Variants in USP42 observed in about 807,000 individuals in gnomAD.
The protein encoded by USP42 is ubiquitin carboxyl-terminal hydrolase 42.
In USP42, 23 loss-of-function variants were observed where a neutral mutation model predicts 113.0. That is an observed-to-expected ratio of 0.20 (90% CI 0.15 to 0.29). USP42 has a LOEUF of 0.29. Ranked by LOEUF, USP42 falls within the 10% of genes least tolerant of loss-of-function variation. The probability of loss-of-function intolerance (pLI) is 1.00; values close to 1 mark genes in which losing one functional copy is unlikely to be tolerated. For synonymous variants in USP42, 933 were observed against 699.0 expected, an observed-to-expected ratio of 1.33 and a Z score of -5.28; for missense variants, 2,174 against 1,779.8, an observed-to-expected ratio of 1.22 and a Z score of -3.99.
At position 6,141,000 on chromosome 7, in the gene USP42, A is replaced by G. The variant is rs750654234; in HGVS notation, c.795+16A>G. On this transcript the variant is annotated intron_variant, in intron 7 of 17. Transcript: ENST00000306177. ...GGAGATAAAGGTAAATTTCATAATT[A>G]TGGGAGTAATTACATTTTTAAAATA... 3.9e-6 allele frequency: 5 copies of G among 1,291,490 alleles called. No individual in the cohort carries two copies. Among genetic ancestry groups the G allele is most frequent in the Non-Finnish European group, 5.5e-6 (5 of 915,746 alleles). 80.0% of individuals were successfully genotyped at this position (1,291,490 alleles called of 1,614,324 possible). A position where few individuals can be genotyped will look rare whatever the true frequency, so the allele number is the denominator to read the frequency against.
chr7:6,160,638 C>CTTCT lies in USP42; in HGVS notation c.*123_*126dup, dbSNP rs1303781626. ...TAACTCTGTTCCAATCTGCGTGGTG[C>CTTCT]TTCTTTAGTAAATACTGTACAGATT... On this transcript the variant is annotated 3_prime_UTR_variant, in exon 18 of 18. Transcript: ENST00000306177. 1.2e-4 allele frequency: 18 copies of CTTCT among 152,626 alleles called. No individual in the cohort carries two copies. The highest frequency in any genetic ancestry group is 4.3e-4 in the African/African-American group (18 of 41,454). The allele number at this position is 152,626 out of a possible 1,614,324, so 9.5% of individuals were successfully genotyped here.
intron 1 of USP42, 85 bp from the exon 2 acceptor site, chr7:6,111,040 A>G (rs1583575231): frequency 5.1e-6 from 7 of 1,382,602 alleles, no homozygotes; most frequent in Non-Finnish European, 1.9e-6. Context: ...AAATGGCTGG[A>G]ATGATCTTCC....
the USP42 span, among the ~76,000 whole-genome samples, chr7:6,082,603 GTTTTT>G: frequency 6.0e-4 from 54 of 90,192 alleles, no homozygotes; most frequent in African/African-American, 2.5e-3. Context: ...CTTTCTTTCT[GTTTTT>G]TTTTTTTTTT....
chr7:6,108,591 C>T (rs903413700), intron 1 of USP42, among the ~76,000 whole-genome samples: 6 of 152,142 alleles, frequency 3.9e-5, no homozygotes, highest in African/African-American at 1.4e-4. Flanking sequence ...AGCGATTCTC[C>T]TACCTCAGCT....
chr7:6,160,930 C>T lies in USP42; in HGVS notation c.*412C>T, dbSNP rs1782740553. ...TGGAATTGTCAAAAGTACAAACTGA[C>T]AGTGTGTATATTTAATTTAAAGACT... On this transcript the variant is annotated 3_prime_UTR_variant, in exon 18 of 18. Transcript: ENST00000306177. 2 of 152,632 alleles carry T rather than the reference C, an allele frequency of 1.3e-5. No homozygotes were observed. Among genetic ancestry groups the T allele is most frequent in the South Asian group, 4.1e-4 (2 of 4,832 alleles). 9.5% of individuals were successfully genotyped at this position (152,632 alleles called of 1,614,324 possible).
intron 3 of USP42, among the ~76,000 whole-genome samples, chr7:6,125,266 A>G (rs991544120): frequency 2.6e-5 from 4 of 151,590 alleles, no homozygotes; most frequent in Non-Finnish European, 5.9e-5. Flanking sequence ...AGGCTGGAGG[A>G]TCACCTGAGG....
At chr7:6,150,347 T>G in intron 13 of USP42, 45 bp downstream of exon 13, 2 of 1,607,634 alleles carry the variant, frequency 1.2e-6, no homozygotes, top group Non-Finnish European at 1.7e-6. Flanking sequence ...GGCGGTTCCC[T>G]TGGCTGGATT....
At chr7:6,082,053 T>C in the USP42 span, among the ~76,000 whole-genome samples, 1 of 152,054 alleles carries the variant, frequency 6.6e-6, no homozygotes, top group Non-Finnish European at 1.5e-5. Flanking sequence ...TATGTATACA[T>C]ATTTGTATGT....
At chr7:6,111,026 T>C in intron 1 of USP42, 99 bp from the exon 2 acceptor site, 1 of 1,297,620 alleles carries the variant, frequency 7.7e-7, no homozygotes, top group Admixed American at 2.8e-5. Context: ...TGAAAATCAC[T>C]TTAAAATGGC....
At position 6,156,922 on chromosome 7, in the gene USP42, C is replaced by A. The variant is rs542504998; in HGVS notation, c.3810C>A (p.Phe1270Leu). The A allele has an allele frequency of 1.9e-6, 3 of 1,613,928 alleles. No individual in the cohort carries two copies. The highest frequency in any genetic ancestry group is 8.5e-7 in the Non-Finnish European group (1 of 1,179,874). The stretch of plus-strand genomic sequence containing the variant: ...CCAGCTTGGAGACTGTCGCCCAGTT[C>A]CGGAGAGCCCAGGGTGGCTTTCCTC... The part of the protein sequence containing the change: ...RVTSLETVAQ[F>L]RRAQGGFPLS... The change falls in exon 16 of 18, where the codon TTC (phenylalanine) becomes TTA (leucine). Residue 1270 changes from phenylalanine to leucine, a missense_variant. Physicochemically the swap from Phe to Leu is conservative, Grantham distance 22. Transcript: ENST00000306177.
chr7:6,114,669 T>TAC (rs1779795145), intron 2 of USP42, among the ~76,000 whole-genome samples: 1 of 47,416 alleles, frequency 2.1e-5, no homozygotes, highest in East Asian at 1.0e-3. Flanking sequence ...TATATATATA[T>TAC]ATATATATAT....
At chr7:6,100,813 C>T (rs981400409), upstream of USP42, among the ~76,000 whole-genome samples, 4 of 149,624 alleles carry the variant, frequency 2.7e-5, no homozygotes, top group South Asian at 4.2e-4. Context: ...ATTATAGGCG[C>T]GCGCTACCAC....
chr7:6,134,922 G>C (rs1338238407), intron 3 of USP42, among the ~76,000 whole-genome samples: 3 of 152,140 alleles, frequency 2.0e-5, no homozygotes, highest in Non-Finnish European at 4.4e-5. Context: ...GGGTAGCTGA[G>C]ATTACAGGCT....
At chr7:6,115,225 C>A in intron 2 of USP42, 98 bp from the exon 3 acceptor site, 1 of 1,218,050 alleles carries the variant, frequency 8.2e-7, no homozygotes, top group Non-Finnish European at 1.2e-6. Flanking sequence ...CATGAGATTT[C>A]GGATCTTGTA....
At chr7:6,148,180 A>T (rs925347637) in intron 12 of USP42, among the ~76,000 whole-genome samples, 1 of 152,104 alleles carries the variant, frequency 6.6e-6, no homozygotes, top group African/African-American at 2.4e-5. Context: ...TCCACAAAAA[A>T]TACAAGTATC....
chr7:6,129,640 T>C (rs1368668089), intron 3 of USP42, among the ~76,000 whole-genome samples: 1 of 148,826 alleles, frequency 6.7e-6, no homozygotes. Context: ...GCGGGCGGAT[T>C]ACCTGAGGTC....
intron 3 of USP42, among the ~76,000 whole-genome samples, chr7:6,122,625 C>T (rs1455641911): frequency 6.6e-6 from 1 of 151,776 alleles, no homozygotes; most frequent in Non-Finnish European, 1.5e-5. Flanking sequence ...CACATGCCAC[C>T]ACACCCAGCT....
At chr7:6,087,279 C>T in the USP42 span, among the ~76,000 whole-genome samples, 1 of 150,698 alleles carries the variant, frequency 6.6e-6, no homozygotes, top group Non-Finnish European at 1.5e-5. Context: ...GATCTGCCCG[C>T]CTTGGCCTAC....
intron 1 of USP42, among the ~76,000 whole-genome samples, chr7:6,105,997 G>A (rs1022222638): frequency 6.6e-6 from 1 of 152,156 alleles, no homozygotes; most frequent in African/African-American, 2.4e-5. Context: ...AGAATCCTAG[G>A]TTCTCGTTTT....
Sources: allele counts gnomAD v4.1 joint callset (sites outside exome capture counted in the v4.1 genomes callset), GRCh38; gene constraint gnomAD v4.1.1; transcripts MANE v1.5; gene names NCBI Gene and HGNC (gene_info 2026-07-23, HGNC 2026-07-21).